Variants in UQCC1 observed in about 807,000 individuals in gnomAD.
UQCC1 encodes ubiquinol-cytochrome c reductase complex assembly factor 1, also known as bFGF-repressed Zic-binding protein.
Under a neutral mutation model 48.0 loss-of-function variants are expected in UQCC1, and 38 were observed. That is an observed-to-expected ratio of 0.79 (90% CI 0.61 to 1.04). The LOEUF is 1.04. Ranked by LOEUF, UQCC1 falls within the 50% of genes least tolerant of loss-of-function variation. The pLI, the probability that UQCC1 is intolerant of heterozygous loss-of-function variation, is 0.00. For missense variants in UQCC1, 368 were observed against 381.8 expected, an observed-to-expected ratio of 0.96 and a Z score of 0.30; for synonymous variants, 111 against 129.2, an observed-to-expected ratio of 0.86 and a Z score of 0.95.
chr20:35,410,696 C>A (rs58194544), intron 1 of UQCC1, among the ~76,000 whole-genome samples: 19 of 2,096 alleles, frequency 9.1e-3, no homozygotes, highest in Admixed American at 0.081. Context: ...CAGAGCAAGA[C>A]TCTGCCTCAA....
chr20:35,337,364 T>C (rs2061326467), intron 7 of UQCC1, among the ~76,000 whole-genome samples: 1 of 152,130 alleles, frequency 6.6e-6, no homozygotes, highest in Admixed American at 6.5e-5. Context: ...AATTTTTGTA[T>C]TTTTAGTAGA....
intron 8 of UQCC1, among the ~76,000 whole-genome samples, chr20:35,313,723 G>A (rs916365953): frequency 2.0e-5 from 3 of 151,582 alleles, no homozygotes; most frequent in African/African-American, 4.9e-5. Context: ...AAGAGACTCC[G>A]CCTCTCATGC....
chr20:35,313,538 C>A (rs919460702), intron 8 of UQCC1, among the ~76,000 whole-genome samples: 10 of 152,144 alleles, frequency 6.6e-5, no homozygotes, highest in Admixed American at 5.9e-4. Context: ...CTTGTCTATG[C>A]ACAGACAACA....
chr20:35,321,252 C>CTGTGTGTGTGTGTG (rs58532328), intron 7 of UQCC1, among the ~76,000 whole-genome samples: 28 of 147,318 alleles, frequency 1.9e-4, no homozygotes, highest in African/African-American at 4.3e-4. Flanking sequence ...ACAAACAAAA[C>CTGTGTGTGTGTGTG]TGTGTGTGTG....
intron 2 of UQCC1, chr20:35,392,119 C>T: frequency 1.4e-6 from 1 of 704,380 alleles, no homozygotes; most frequent in Non-Finnish European, 2.2e-6. Flanking sequence ...TGAATATTTC[C>T]AGTAAGAGTA....
chr20:35,335,453 C>A (rs1410092475), intron 7 of UQCC1, among the ~76,000 whole-genome samples: 2 of 151,082 alleles, frequency 1.3e-5, no homozygotes, highest in Non-Finnish European at 2.9e-5. Flanking sequence ...GGGAGTTGAG[C>A]AAAAAATAAA....
intron 7 of UQCC1, among the ~76,000 whole-genome samples, chr20:35,325,196 A>AG (rs2061178806): frequency 1.3e-5 from 2 of 152,252 alleles, no homozygotes; most frequent in South Asian, 4.1e-4. Flanking sequence ...GGAGGAAGAA[A>AG]GGGAAAATTA....
At chr20:35,384,575 G>C (rs1451965441) in intron 2 of UQCC1, 2 of 441,412 alleles carry the variant, frequency 4.5e-6, no homozygotes, top group Non-Finnish European at 9.0e-6. Flanking sequence ...CCAGAAGATC[G>C]AGGCTGCAGG....
intron 7 of UQCC1, among the ~76,000 whole-genome samples, chr20:35,333,172 T>C (rs6060375): frequency 0.054 from 8,261 of 152,242 alleles, 344 homozygotes; most frequent in African/African-American, 0.11. Context: ...TGTGACTTAC[T>C]ATGGCGGCCA....
chr20:35,347,312 A>G (rs754532842), intron 6 of UQCC1, 40 bp from the exon 7 acceptor site: 2 of 1,608,582 alleles, frequency 1.2e-6, no homozygotes, highest in Admixed American at 3.3e-5. Context: ...GGCTGTTTGC[A>G]TTTTTCACAT....
intron 7 of UQCC1, among the ~76,000 whole-genome samples, chr20:35,318,605 C>T (rs2061088921): frequency 6.6e-6 from 1 of 152,240 alleles, no homozygotes; most frequent in African/African-American, 2.4e-5. Flanking sequence ...CCCTTCACCT[C>T]TAGCTGAGAC....
chr20:35,365,528 G>T (rs548315195), intron 6 of UQCC1, among the ~76,000 whole-genome samples: 19 of 151,960 alleles, frequency 1.3e-4, no homozygotes, highest in Non-Finnish European at 2.1e-4. Context: ...GTGGTGGTGG[G>T]CTCCTGTAAT....
intron 7 of UQCC1, among the ~76,000 whole-genome samples, chr20:35,321,356 A>G (rs1417666485): frequency 6.6e-6 from 1 of 152,218 alleles, no homozygotes; most frequent in Admixed American, 6.5e-5. Context: ...AATACCAAGA[A>G]TAAAAAGAAA....
At chr20:35,336,708 G>T (rs1172825528) in intron 7 of UQCC1, among the ~76,000 whole-genome samples, 1 of 152,130 alleles carries the variant, frequency 6.6e-6, no homozygotes, top group Non-Finnish European at 1.5e-5. Context: ...CCAAGTTTGT[G>T]GTAATCTGCT....
rs141682412 is a variant in UQCC1, at chr20:35,387,702, T to C, written c.130-3569A>G. 8.6e-5 allele frequency among the ~76,000 whole-genome samples: 13 copies of C among 152,014 alleles called. No individual in the cohort carries two copies. The East Asian group carries it at 1.9e-3, about 23-fold the overall frequency. ...ATAACAACACTTGAGCTGGAAGAAA[T>C]CTCAGAGATATTCTGGTCCAACCTT... On this transcript the variant is annotated intron_variant, in intron 2 of 9. Coordinates refer to ENST00000374385, the MANE Select transcript of UQCC1 (RefSeq NM_018244.5).
chr20:35,366,672 T>C, intron 5 of UQCC1, 58 bp from the exon 6 acceptor site: 1 of 1,446,692 alleles, frequency 6.9e-7, no homozygotes, highest in Non-Finnish European at 9.7e-7. Flanking sequence ...ATATTGACCA[T>C]ATATTAAATA....
chr20:35,325,152 G>T (rs960524833), intron 7 of UQCC1, among the ~76,000 whole-genome samples: 1 of 152,174 alleles, frequency 6.6e-6, no homozygotes, highest in Non-Finnish European at 1.5e-5. Flanking sequence ...TACCTTCAGA[G>T]ACAGAAAGAA....
intron 2 of UQCC1, 102 bp from the exon 3 acceptor site, chr20:35,384,235 C>G (rs1289372494): frequency 3.0e-6 from 3 of 1,010,006 alleles, no homozygotes; most frequent in East Asian, 5.5e-5. Context: ...TCCAACCTTA[C>G]TTAGCCCACT....
In UQCC1 at chr20:35,401,049, A is replaced by G. The variant is rs539274289; in HGVS notation, c.25-6853T>C. On this transcript the variant is annotated intron_variant, in intron 1 of 9. Transcript: ENST00000374385. ...TCTAGTTATTCACCATAAAATCACC[A>G]CAAACACTGAGTTAGCAAATACTGA... Among the ~76,000 whole-genome samples the G allele has an allele frequency of 3.9e-5, 6 of 152,334 alleles. No individual in the cohort carries two copies. The East Asian group carries it at 7.7e-4, about 20-fold the overall frequency.
Sources: allele counts gnomAD v4.1 joint callset (sites outside exome capture counted in the v4.1 genomes callset), GRCh38; gene constraint gnomAD v4.1.1; transcripts MANE v1.5; gene names NCBI Gene and HGNC (gene_info 2026-07-23, HGNC 2026-07-21).